Variants in MAS1 observed in about 807,000 individuals in gnomAD.
MAS1 encodes proto-oncogene Mas.
For missense variants in MAS1, 387 were observed against 409.7 expected, an observed-to-expected ratio of 0.94 and a Z score of 0.48; for synonymous variants, 163 against 164.2, an observed-to-expected ratio of 0.99 and a Z score of 0.05.
chr6:159,905,676 A>G (rs1029510819), intron 2 of MAS1, among the ~76,000 whole-genome samples: 1 of 152,210 alleles, frequency 6.6e-6, no homozygotes, highest in African/African-American at 2.4e-5. Context: ...AGTGCCACGA[A>G]ATAACACATT....
At chr6:159,896,992 G>A (rs886267799) in intron 1 of MAS1, among the ~76,000 whole-genome samples, 102 of 152,260 alleles carry the variant, frequency 6.7e-4, no homozygotes, top group African/African-American at 2.4e-3. Flanking sequence ...TCCTGCCTCA[G>A]CCTCCCAAGC....
chr6:159,908,041 C>A lies in MAS1; in HGVS notation c.*108C>A. On this transcript the variant is annotated 3_prime_UTR_variant, in exon 3 of 3. Transcript: ENST00000674077. ...CTAAATGTGATACAGAAGAACATCT[C>A]ATCCCATATGCATGAGATACTAATT... 1 of 1,243,014 alleles carries A rather than the reference C, an allele frequency of 8.0e-7. No individual in the cohort carries two copies. The highest frequency in any genetic ancestry group is 1.1e-6 in the Non-Finnish European group (1 of 900,682). 77.0% of individuals were successfully genotyped at this position (1,243,014 alleles called of 1,614,324 possible).
At position 159,913,651 on chromosome 6, in the gene MAS1, T is replaced by A. The variant is rs1782989637; in HGVS notation, c.*5718T>A. On this transcript the variant is annotated 3_prime_UTR_variant, in exon 3 of 3. Transcript: ENST00000674077. ...GATGTGGTTTGGGTTTCTTACAACATGGTGATTGTGTTCTGGAAGGAAGTC... is the reference window on the plus strand; with the variant it reads ...GATGTGGTTTGGGTTTCTTACAACAAGGTGATTGTGTTCTGGAAGGAAGTC... 2 of 152,208 alleles carry A rather than the reference T, an allele frequency of 1.3e-5. No homozygotes were observed. The highest frequency in any genetic ancestry group is 1.3e-4 in the Admixed American group (2 of 15,286). 9.4% of individuals were successfully genotyped at this position (152,208 alleles called of 1,614,324 possible). A position where few individuals can be genotyped will look rare whatever the true frequency, so the allele number is the denominator to read the frequency against.
rs1782968232 is a variant in MAS1, at chr6:159,911,770, A to G, written c.*3837A>G. 1 of 152,238 alleles carries G rather than the reference A, an allele frequency of 6.6e-6. No homozygotes were observed. Among genetic ancestry groups the G allele is most frequent in the Non-Finnish European group, 1.5e-5 (1 of 68,158 alleles). The allele number at this position is 152,238 out of a possible 1,614,324, so 9.4% of individuals were successfully genotyped here. ...GCTGGCTCCCCTTTACACAAGGGGAATAGAAGCAACCGGAAGAACTCTTCC... is the reference window on the plus strand; with the variant it reads ...GCTGGCTCCCCTTTACACAAGGGGAGTAGAAGCAACCGGAAGAACTCTTCC... On this transcript the variant is annotated 3_prime_UTR_variant, in exon 3 of 3. Coordinates refer to ENST00000674077, the MANE Select transcript of MAS1 (RefSeq NM_002377.4).
At position 159,908,152 on chromosome 6, in the gene MAS1, C is replaced by T; in HGVS notation, c.*219C>T. ...GACAAAGACTCTATTTCTTTCAGCT[C>T]TTTTGGCAGCATCTTACCATGAACC... is the stretch of plus-strand genomic sequence containing the variant. On this transcript the variant is annotated 3_prime_UTR_variant, in exon 3 of 3. Transcript: ENST00000674077. 2.2e-6 allele frequency: 1 copy of T among 446,346 alleles called. No homozygotes were observed. The highest frequency in any genetic ancestry group is 3.8e-6 in the Non-Finnish European group (1 of 260,216). The allele number at this position is 446,346 out of a possible 1,614,324, so 27.6% of individuals were successfully genotyped here.
chr6:159,905,946 G>A (rs1006753807), intron 2 of MAS1, among the ~76,000 whole-genome samples: 6 of 152,100 alleles, frequency 3.9e-5, no homozygotes, highest in African/African-American at 7.2e-5. Flanking sequence ...GGAAGCTGAG[G>A]CAGGAGAATC....
rs9295116 is a variant in MAS1 at position 159,911,781 on chromosome 6, C to A, written c.*3848C>A. On this transcript the variant is annotated 3_prime_UTR_variant, in exon 3 of 3. Transcript: ENST00000674077. ...TTTACACAAGGGGAATAGAAGCAAC[C>A]GGAAGAACTCTTCCAGACATCCCCG... 2 of 151,794 alleles carry A rather than the reference C, an allele frequency of 1.3e-5. No individual in the cohort carries two copies. The highest frequency in any genetic ancestry group is 2.9e-5 in the Non-Finnish European group (2 of 68,042). The allele number at this position is 151,794 out of a possible 1,614,324, so 9.4% of individuals were successfully genotyped here.
Position 159,912,513 on chromosome 6 carries a change from C to CA in MAS1, c.*4582dup, listed in dbSNP as rs1455953710. 1.3e-5 allele frequency: 2 copies of CA among 152,178 alleles called. No homozygotes were observed. Among genetic ancestry groups the CA allele is most frequent in the Admixed American group, 1.3e-4 (2 of 15,282 alleles). The allele number at this position is 152,178 out of a possible 1,614,324, so 9.4% of individuals were successfully genotyped here. ...AAGTGAAGAAAGGAGGAGGTGGGAG[C>CA]AATCAAGTATTTGCTTGCTTGATTC... On this transcript the variant is annotated 3_prime_UTR_variant, in exon 3 of 3. Coordinates refer to ENST00000674077, the MANE Select transcript of MAS1 (RefSeq NM_002377.4).
chr6:159,891,621 C>T (rs935466320), intron 1 of MAS1, among the ~76,000 whole-genome samples: 1 of 152,188 alleles, frequency 6.6e-6, no homozygotes, highest in African/African-American at 2.4e-5. Flanking sequence ...GATTTTTCTT[C>T]ATTTTTCCTT....
intron 1 of MAS1, among the ~76,000 whole-genome samples, chr6:159,891,698 G>C (rs906390113): frequency 6.6e-6 from 1 of 152,198 alleles, no homozygotes; most frequent in Non-Finnish European, 1.5e-5. Flanking sequence ...TTGGTGACAA[G>C]ATGTCTGTTA....
At chr6:159,894,817 A>T (rs1782737556) in intron 1 of MAS1, among the ~76,000 whole-genome samples, 1 of 152,182 alleles carries the variant, frequency 6.6e-6, no homozygotes, top group South Asian at 2.1e-4. Context: ...TCATCAATAG[A>T]TGTGTTTATT....
chr6:159,910,625 T>G lies in MAS1; in HGVS notation c.*2692T>G, dbSNP rs77742325. 62 of 152,406 alleles carry G rather than the reference T, an allele frequency of 4.1e-4. No individual in the cohort carries two copies. The East Asian group carries it at 0.011, about 27-fold the overall frequency. 9.4% of individuals were successfully genotyped at this position (152,406 alleles called of 1,614,324 possible). A position where few individuals can be genotyped will look rare whatever the true frequency, so the allele number is the denominator to read the frequency against. On this transcript the variant is annotated 3_prime_UTR_variant, in exon 3 of 3. Coordinates refer to ENST00000674077, the MANE Select transcript of MAS1 (RefSeq NM_002377.4). The stretch of plus-strand genomic sequence containing the variant: ...TATTTGCTGTGTTGGTCGAATCCAC[T>G]GCACCCCTCTCTGGGCTGTTTCCTT...
intron 1 of MAS1, among the ~76,000 whole-genome samples, chr6:159,897,786 G>A (rs1782770317): frequency 6.6e-6 from 1 of 152,094 alleles, no homozygotes; most frequent in African/African-American, 2.4e-5. Flanking sequence ...AGAGCTCTTT[G>A]AACAGGCAGG....
At position 159,916,616 on chromosome 6, in the gene MAS1, A is replaced by G. The variant is rs1783027537; in HGVS notation, c.*8683A>G. ...TGCCAAGTCAATACTTGGGTGATGA[A>G]GGATGAAGACAAACCTCCTCTTCAT... On this transcript the variant is annotated 3_prime_UTR_variant, in exon 3 of 3. Transcript: ENST00000674077. 6.6e-6 allele frequency: 1 copy of G among 152,210 alleles called. No homozygotes were observed. The highest frequency in any genetic ancestry group is 2.4e-5 in the African/African-American group (1 of 41,444). 9.4% of individuals were successfully genotyped at this position (152,210 alleles called of 1,614,324 possible).
intron 2 of MAS1, among the ~76,000 whole-genome samples, chr6:159,905,433 A>T (rs2115116914): frequency 6.6e-6 from 1 of 152,310 alleles, no homozygotes; most frequent in East Asian, 1.9e-4. Flanking sequence ...ATCCCATTAG[A>T]ACAGCTGAGG....
chr6:159,895,570 G>A (rs1374001076), intron 1 of MAS1, among the ~76,000 whole-genome samples: 1 of 152,074 alleles, frequency 6.6e-6, no homozygotes, highest in Non-Finnish European at 1.5e-5. Flanking sequence ...AATGGACATA[G>A]AGTATGAAAA....
intron 1 of MAS1, among the ~76,000 whole-genome samples, chr6:159,898,489 ACTCCTCCTCCTCCTC>A (rs780491597): frequency 4.8e-5 from 6 of 125,006 alleles, no homozygotes; most frequent in East Asian, 5.0e-4. Flanking sequence ...TGATTTCCAG[ACTCCTCCTCCTCCTC>A]CTCCTCCTCC....
At chr6:159,895,196 G>A (rs1297959342) in intron 1 of MAS1, among the ~76,000 whole-genome samples, 4 of 152,176 alleles carry the variant, frequency 2.6e-5, no homozygotes, top group Non-Finnish European at 5.9e-5. Flanking sequence ...TGTTGGGTGG[G>A]GCAGGGGAGG....
chr6:159,898,702 ATCCTCCTCCCTCTTCC>A (rs796972759), intron 1 of MAS1, among the ~76,000 whole-genome samples: 9 of 54,460 alleles, frequency 1.7e-4, no homozygotes, highest in Admixed American at 2.0e-4. Context: ...CTCCTCCTTC[ATCCTCCTCCCTCTTCC>A]TCCTCCTCCC....
Sources: gnomAD v4.1 joint callset for allele counts (sites outside exome capture counted in the v4.1 genomes callset) on GRCh38, gnomAD v4.1.1 for gene constraint, MANE v1.5 for transcripts, NCBI Gene and HGNC (gene_info 2026-07-23, HGNC 2026-07-21) for gene names.